Variants in ZBTB7C observed in about 807,000 individuals in gnomAD.
The protein encoded by ZBTB7C is zinc finger and BTB domain containing 7C.
Under a neutral mutation model 25.7 loss-of-function variants are expected in ZBTB7C, and 8 were observed. The ratio of observed to expected loss-of-function variants is 0.31; its 90% CI spans 0.18 to 0.56. The LOEUF (loss-of-function observed/expected upper bound fraction) is 0.56, where lower values mean the gene tolerates loss of function less well. ZBTB7C is among the 20% of genes least tolerant of loss of function. ZBTB7C has a pLI of 0.91. For synonymous variants in ZBTB7C, 394 were observed against 369.0 expected (o/e 1.07, Z -0.78); for missense variants, 824 against 855.2 (o/e 0.96, Z 0.46).
intron 3 of ZBTB7C, among the ~76,000 whole-genome samples, chr18:48,170,898 G>C (rs2041454062): frequency 6.6e-6 from 1 of 152,114 alleles, no homozygotes; most frequent in African/African-American, 2.4e-5. Context: ...ATGGGAGTGT[G>C]GTGCCTTCGC....
chr18:48,369,399 A>G (rs924331809), intron 1 of ZBTB7C, among the ~76,000 whole-genome samples: 4 of 152,152 alleles, frequency 2.6e-5, no homozygotes, highest in African/African-American at 9.6e-5. Flanking sequence ...GAGAGAATAG[A>G]TAAAAAAATT....
intron 2 of ZBTB7C, among the ~76,000 whole-genome samples, chr18:48,285,199 A>G (rs753249150): frequency 1.1e-4 from 17 of 152,282 alleles, no homozygotes; most frequent in Middle Eastern, 3.4e-3. Flanking sequence ...ACTAGTTTGT[A>G]TCTCCTTGAC....
chr18:48,334,457 C>T (rs747871215), intron 2 of ZBTB7C, among the ~76,000 whole-genome samples: 4 of 152,158 alleles, frequency 2.6e-5, no homozygotes, highest in Non-Finnish European at 5.9e-5. Flanking sequence ...GCCTCAAACC[C>T]AGCTCCCAGA....
At chr18:48,279,043 G>A (rs2044752372) in intron 2 of ZBTB7C, among the ~76,000 whole-genome samples, 1 of 151,914 alleles carries the variant, frequency 6.6e-6, no homozygotes, top group African/African-American at 2.4e-5. Context: ...CAGGGGAACT[G>A]GTATGCTGGG....
upstream of ZBTB7C, among the ~76,000 whole-genome samples, chr18:48,411,654 C>A (rs1285341412): frequency 6.6e-6 from 1 of 152,158 alleles, no homozygotes; most frequent in Non-Finnish European, 1.5e-5. Flanking sequence ...CAGACACCTG[C>A]AGGAAATAGA....
chr18:48,311,346 T>TA (rs879645491), intron 2 of ZBTB7C, among the ~76,000 whole-genome samples: 22 of 151,324 alleles, frequency 1.5e-4, no homozygotes, highest in African/African-American at 2.4e-4. Context: ...AATGAAGAAA[T>TA]AAAAAAAAAT....
chr18:48,281,102 T>G (rs2044833582), intron 2 of ZBTB7C, among the ~76,000 whole-genome samples: 1 of 152,024 alleles, frequency 6.6e-6, no homozygotes, highest in Admixed American at 6.6e-5. Context: ...GATTCACCCA[T>G]CTCAGCCTCC....
chr18:48,362,145 A>C (rs2047120865), intron 1 of ZBTB7C, among the ~76,000 whole-genome samples: 1 of 152,076 alleles, frequency 6.6e-6, no homozygotes, highest in Non-Finnish European at 1.5e-5. Context: ...GGAGGACAAG[A>C]CCTCACTGAC....
intron 2 of ZBTB7C, among the ~76,000 whole-genome samples, chr18:48,297,940 C>T (rs1023806153): frequency 6.6e-6 from 1 of 152,112 alleles, no homozygotes; most frequent in Non-Finnish European, 1.5e-5. Flanking sequence ...AATGCAAACT[C>T]CACCTCTTGT....
chr18:48,029,940 C>T, intron 4 of ZBTB7C, 29 bp from the exon 5 acceptor site: 2 of 1,607,980 alleles, frequency 1.2e-6, no homozygotes, highest in Non-Finnish European at 1.7e-6. Context: ...GGGTCAGTCC[C>T]GCAGGGAACA....
At chr18:48,396,508 C>A (rs1358973210) in intron 1 of ZBTB7C, among the ~76,000 whole-genome samples, 1 of 152,170 alleles carries the variant, frequency 6.6e-6, no homozygotes, top group Non-Finnish European at 1.5e-5. Flanking sequence ...CAGTCAGAGA[C>A]ATAGGAGGGC....
At chr18:48,087,995 A>G (rs1156996323) in intron 3 of ZBTB7C, among the ~76,000 whole-genome samples, 1 of 152,166 alleles carries the variant, frequency 6.6e-6, no homozygotes, top group African/African-American at 2.4e-5. Context: ...ATATGAATAC[A>G]TAAGTACACA....
intron 3 of ZBTB7C, among the ~76,000 whole-genome samples, chr18:48,172,929 T>G (rs370602315): frequency 5.9e-5 from 9 of 151,950 alleles, no homozygotes; most frequent in African/African-American, 2.2e-4. Context: ...GACTGTGGGG[T>G]GGAACAGCAG....
At chr18:48,400,655 C>T (rs189961002) in intron 1 of ZBTB7C, among the ~76,000 whole-genome samples, 69 of 152,336 alleles carry the variant, frequency 4.5e-4, no homozygotes, top group Admixed American at 2.7e-3. Context: ...GCCACTAGTC[C>T]TGTGGGGCTA....
chr18:48,198,008 A>C (rs1452144415), intron 2 of ZBTB7C, among the ~76,000 whole-genome samples: 1 of 152,094 alleles, frequency 6.6e-6, no homozygotes, highest in African/African-American at 2.4e-5. Flanking sequence ...ATCAATTGTC[A>C]GTGTTTGCAG....
Position 48,029,360 on chromosome 18 carries a change from G to A in ZBTB7C, c.1760C>T (p.Pro587Leu). Residue 587 changes from proline (P) to leucine (L), a missense_variant, in exon 5 of 5, where the codon CCC becomes CTC. Around this residue, in one of 4 missense-constraint regions of ZBTB7C, gnomAD observed 342 missense variants for 307.0 expected, o/e 1.11. Transcript: ENST00000590800. ...CCAAGGGTCGGGCAGCGGGAAGTAGGGCCGCGCCGCCGCCACGTTCTCGGC... is the reference window on the plus strand; with the variant it reads ...CCAAGGGTCGGGCAGCGGGAAGTAGAGCCGCGCCGCCGCCACGTTCTCGGC... ...ALAENVAAAR[P>L]YFPLPDPWAA... is the part of the protein sequence containing the mutation. The A allele has an allele frequency of 6.5e-7, 1 of 1,545,862 alleles. No homozygotes were observed. The highest frequency in any genetic ancestry group is 8.7e-7 in the Non-Finnish European group (1 of 1,150,176).
chr18:48,137,257 G>A (rs2040200807), intron 3 of ZBTB7C: 1 of 985,484 alleles, frequency 1.0e-6, no homozygotes, highest in African/African-American at 1.7e-5. Context: ...TTAAGCGCAG[G>A]ACAGGACGAT....
intron 3 of ZBTB7C, among the ~76,000 whole-genome samples, chr18:48,113,978 T>C (rs1274119250): frequency 6.6e-6 from 1 of 152,190 alleles, no homozygotes; most frequent in Non-Finnish European, 1.5e-5. Context: ...AGGGTGGTGG[T>C]GTCCCATGAA....
intron 3 of ZBTB7C, among the ~76,000 whole-genome samples, chr18:48,075,635 G>A (rs1373660417): frequency 6.6e-6 from 1 of 152,168 alleles, no homozygotes; most frequent in Non-Finnish European, 1.5e-5. Context: ...GCTGCAGGGA[G>A]AGCAAGAGCT....
Sources: gnomAD v4.1 joint callset for allele counts (sites outside exome capture counted in the v4.1 genomes callset) on GRCh38, gnomAD v4.1.1 for gene constraint, gnomAD v4.1.1 regional missense constraint, MANE v1.5 for transcripts, NCBI Gene and HGNC (gene_info 2026-07-23, HGNC 2026-07-21) for gene names.